GRIK2: variants seen among roughly 807,000 people sequenced by gnomAD.
GRIK2 encodes the protein glutamate ionotropic receptor kainate type subunit 2.
Under a neutral mutation model 100.3 loss-of-function variants are expected in GRIK2, and 32 were observed. The ratio of observed to expected loss-of-function variants is 0.32; its 90% confidence interval spans 0.24 to 0.43. GRIK2 has a LOEUF of 0.43. Among genes scored for constraint, GRIK2 ranks in the 20% least tolerant of loss-of-function variants. The pLI is 1.00. For missense variants in GRIK2, 843 were observed against 1,114.9 expected (o/e 0.76, Z 3.47); for synonymous variants, 417 against 389.4 (o/e 1.07, Z -0.83).
chr6:101,457,788 G>C lies in GRIK2; in HGVS notation c.115+58396G>C, dbSNP rs1393124614. On this transcript the variant is annotated intron_variant, in intron 2 of 16. Transcript: ENST00000369134. ...GTTGACCTGGAATTAGAAATTACAA[G>C]TAGCCATGCTTGATTAAACAGTCAC... is the stretch of plus-strand genomic sequence containing the variant. Among the ~76,000 whole-genome samples the C allele has an allele frequency of 3.3e-5, 5 of 152,032 alleles. No individual in the cohort carries two copies. The East Asian group carries it at 9.7e-4, about 29-fold the overall frequency.
At chr6:101,781,137 C>G (rs905811804) in intron 7 of GRIK2, among the ~76,000 whole-genome samples, 2 of 151,692 alleles carry the variant, frequency 1.3e-5, no homozygotes, top group Non-Finnish European at 2.9e-5. Flanking sequence ...TTATCTTTTT[C>G]TAGGCATTGT....
intron 14 of GRIK2, among the ~76,000 whole-genome samples, chr6:101,982,367 TC>T (rs1266764843): frequency 6.6e-6 from 1 of 151,912 alleles, no homozygotes; most frequent in African/African-American, 2.4e-5. Flanking sequence ...AAGTGACAAC[TC>T]TGTGCTTTTT....
chr6:101,719,938 A>G (rs1380998267), intron 7 of GRIK2, among the ~76,000 whole-genome samples: 2 of 150,582 alleles, frequency 1.3e-5, no homozygotes, highest in African/African-American at 5.0e-5. Context: ...AAAGAAAGAG[A>G]GAGAAAAAAG....
At chr6:101,586,858 A>G (rs1214692893) in intron 2 of GRIK2, among the ~76,000 whole-genome samples, 3 of 143,858 alleles carry the variant, frequency 2.1e-5, no homozygotes, top group Non-Finnish European at 1.5e-5. Flanking sequence ...CTACTGCACT[A>G]TAGTCTGGGC....
At chr6:101,809,152 T>C (rs1297116215) in intron 9 of GRIK2, among the ~76,000 whole-genome samples, 1 of 151,854 alleles carries the variant, frequency 6.6e-6, no homozygotes, top group Admixed American at 6.6e-5. Flanking sequence ...ATTTACTGCT[T>C]GCATCCACCA....
chr6:101,563,082 A>C (rs1396359993), intron 2 of GRIK2, among the ~76,000 whole-genome samples: 1 of 152,164 alleles, frequency 6.6e-6, no homozygotes, highest in Non-Finnish European at 1.5e-5. Context: ...ATCAGTTTTC[A>C]TCCTTGATTA....
intron 2 of GRIK2, among the ~76,000 whole-genome samples, chr6:101,574,362 TTATA>T (rs1326634485): frequency 6.8e-6 from 1 of 147,770 alleles, no homozygotes; most frequent in Non-Finnish European, 1.5e-5. Flanking sequence ...TTATATATAC[TTATA>T]TATAAATATA....
intron 2 of GRIK2, among the ~76,000 whole-genome samples, chr6:101,555,976 T>C (rs2128293844): frequency 6.6e-6 from 1 of 152,220 alleles, no homozygotes; most frequent in South Asian, 2.1e-4. Context: ...ACCAATGTTA[T>C]GAATGGAACT....
At chr6:101,488,054 T>C (rs188577106) in intron 2 of GRIK2, among the ~76,000 whole-genome samples, 2 of 146,654 alleles carry the variant, frequency 1.4e-5, no homozygotes, top group Admixed American at 6.8e-5. Context: ...TTAGATTGTA[T>C]TTGAAAATTG....
At chr6:101,676,910 C>A in intron 5 of GRIK2, 106 bp downstream of exon 5, 1 of 616,836 alleles carries the variant, frequency 1.6e-6, no homozygotes, top group Non-Finnish European at 2.7e-6. Context: ...GTTATAATAA[C>A]CTTGATGTAA....
At chr6:101,912,497 G>A (rs1432521966) in intron 12 of GRIK2, among the ~76,000 whole-genome samples, 3 of 151,516 alleles carry the variant, frequency 2.0e-5, no homozygotes, top group Non-Finnish European at 4.4e-5. Flanking sequence ...GGAAAGCCGG[G>A]CTTGAAAAGG....
At chr6:101,794,464 T>G (rs1410287915) in intron 7 of GRIK2, among the ~76,000 whole-genome samples, 1 of 152,198 alleles carries the variant, frequency 6.6e-6, no homozygotes, top group Admixed American at 6.5e-5. Flanking sequence ...ATATCAAAGG[T>G]TATTATTCTT....
chr6:101,555,889 C>G (rs1335599602), intron 2 of GRIK2, among the ~76,000 whole-genome samples: 1 of 151,972 alleles, frequency 6.6e-6, no homozygotes, highest in African/African-American at 2.4e-5. Context: ...TAACTAACCA[C>G]AAGGACACTG....
At chr6:101,790,795 CT>C (rs1196960971) in intron 7 of GRIK2, among the ~76,000 whole-genome samples, 1 of 148,258 alleles carries the variant, frequency 6.7e-6, no homozygotes, top group Non-Finnish European at 1.5e-5. Flanking sequence ...CCAGTTCCTC[CT>C]TTTACCTCTG....
At chr6:101,877,069 T>C (rs1785902569) in intron 11 of GRIK2, among the ~76,000 whole-genome samples, 1 of 151,936 alleles carries the variant, frequency 6.6e-6, no homozygotes, top group African/African-American at 2.4e-5. Flanking sequence ...ATGGGCCACT[T>C]AAGAAACAAA....
At position 101,712,631 on chromosome 6, in the gene GRIK2, A is replaced by C. The variant is rs745660892; in HGVS notation, c.951+26278A>C. 1.1e-4 allele frequency among the ~76,000 whole-genome samples: 16 copies of C among 151,830 alleles called. 1 individual carries two copies. Among genetic ancestry groups the C allele is most frequent in the Non-Finnish European group, 2.1e-4 (14 of 67,864 alleles). On this transcript the variant is annotated intron_variant, in intron 7 of 16. Coordinates refer to ENST00000369134, the MANE Select transcript of GRIK2 (RefSeq NM_021956.5). ...GATAAAGATTTAAAACTATCCAAAT[A>C]CTGCATTAAAGTGGCAAAGTGCTTA...
At chr6:101,507,275 T>C (rs1486796579) in intron 2 of GRIK2, among the ~76,000 whole-genome samples, 2 of 152,134 alleles carry the variant, frequency 1.3e-5, no homozygotes, top group African/African-American at 4.8e-5. Context: ...TTTTAATAGA[T>C]GTGCTAATCA....
intron 10 of GRIK2, among the ~76,000 whole-genome samples, chr6:101,848,114 C>A (rs1041895424): frequency 1.4e-4 from 21 of 151,974 alleles, no homozygotes; most frequent in Non-Finnish European, 2.5e-4. Context: ...GTGTGTATGA[C>A]CTGCATCAGG....
At chr6:101,995,641 T>G (rs1450328024) in intron 14 of GRIK2, among the ~76,000 whole-genome samples, 1 of 151,940 alleles carries the variant, frequency 6.6e-6, no homozygotes, top group African/African-American at 2.4e-5. Flanking sequence ...GAGGTTGAGA[T>G]TTGTTCAAAT....
Sources: gnomAD v4.1 joint callset for allele counts (sites outside exome capture counted in the v4.1 genomes callset) on GRCh38, gnomAD v4.1.1 for gene constraint, MANE v1.5 for transcripts, NCBI Gene and HGNC (gene_info 2026-07-23, HGNC 2026-07-21) for gene names.